MGST2: variants seen among roughly 807,000 people sequenced by gnomAD.
MGST2 encodes the protein glutathione peroxidase MGST2.
A neutral mutation model predicts 16.6 loss-of-function variants in MGST2; 9 were observed. The observed-to-expected ratio is 0.54, with a 90% CI of 0.33 to 0.95. The LOEUF is 0.95. Among genes scored for constraint, MGST2 ranks in the 40% least tolerant of loss-of-function variants. The pLI, the probability that MGST2 is intolerant of heterozygous loss-of-function variation, is 0.03. For synonymous variants in MGST2, 79 were observed against 68.0 expected, an observed-to-expected ratio of 1.16 and a Z score of -0.79; for missense variants, 159 against 175.1, an observed-to-expected ratio of 0.91 and a Z score of 0.52.
Position 139,704,175 on chromosome 4 carries a change from A to G in MGST2, c.*27A>G, listed in dbSNP as rs756784578. On this transcript the variant is annotated 3_prime_UTR_variant, in exon 5 of 5. Coordinates refer to ENST00000265498, the MANE Select transcript of MGST2 (RefSeq NM_002413.5). The stretch of plus-strand genomic sequence containing the variant: ...TTTTTCTCTTCCCTTTAATACTTGC[A>G]GAAGCTGTTCCCACCATGAAGGTAA... 1.2e-6 allele frequency: 2 copies of G among 1,612,966 alleles called. No homozygotes were observed. The highest frequency in any genetic ancestry group is 3.3e-5 in the Admixed American group (2 of 60,034).
intron 5 of MGST2, among the ~76,000 whole-genome samples, chr4:139,723,836 A>G (rs1163507484): frequency 6.6e-6 from 1 of 152,214 alleles, no homozygotes; most frequent in African/African-American, 2.4e-5. Flanking sequence ...TTCCCTAGCT[A>G]GCAAAATCAG....
intron 2 of MGST2, among the ~76,000 whole-genome samples, chr4:139,689,740 G>A (rs1195709073): frequency 6.6e-6 from 1 of 152,166 alleles, no homozygotes; most frequent in Non-Finnish European, 1.5e-5. Flanking sequence ...TGTGAACCTG[G>A]CATTAGAAAT....
At chr4:139,673,337 G>A (rs1730801808) in intron 1 of MGST2, among the ~76,000 whole-genome samples, 1 of 152,220 alleles carries the variant, frequency 6.6e-6, no homozygotes, top group African/African-American at 2.4e-5. Context: ...AGGGTGCCAA[G>A]CAAGGAGAAC....
intron 3 of MGST2, among the ~76,000 whole-genome samples, chr4:139,700,540 T>C (rs1282420928): frequency 6.6e-6 from 1 of 152,198 alleles, no homozygotes; most frequent in Non-Finnish European, 1.5e-5. Flanking sequence ...ACTTTACAGA[T>C]GAGGAAGCTG....
chr4:139,737,054 T>C (rs981163139), intron 5 of MGST2, among the ~76,000 whole-genome samples: 6 of 152,058 alleles, frequency 3.9e-5, no homozygotes. Flanking sequence ...GTTGCAACTG[T>C]GCTGTGGAGG....
chr4:139,683,290 T>G (rs185612459), intron 2 of MGST2, among the ~76,000 whole-genome samples: 3 of 152,310 alleles, frequency 2.0e-5, no homozygotes. Flanking sequence ...TCATAGAATT[T>G]TCTGACATAA....
exon 6 of MGST2, chr4:139,740,636 A>G (rs1371610057): frequency 1.3e-5 from 2 of 152,120 alleles, no homozygotes; most frequent in African/African-American, 4.8e-5. Flanking sequence ...AGATTGCATA[A>G]CTGATGCATA....
chr4:139,754,540 G>A, the MGST2 span, among the ~76,000 whole-genome samples: 1 of 152,138 alleles, frequency 6.6e-6, no homozygotes, highest in Non-Finnish European at 1.5e-5. Context: ...ACTACTTTAT[G>A]CTGAAATGAA....
chr4:139,732,698 AG>A lies in MGST2; in HGVS notation c.*49-7513del, dbSNP rs199776280. Among the ~76,000 whole-genome samples the A allele has an allele frequency of 7.3e-3, 1,111 of 152,196 alleles. 10 individuals carry two copies. The highest frequency in any genetic ancestry group is 0.024 in the African/African-American group (1,004 of 41,538). ...GTGGTATTTGGTTACATGAGTAAGC[AG>A]AACGCTGATTTTGATTCTCAATTCA... On this transcript the variant is annotated intron_variant, in intron 5 of 5. Coordinates refer to the MGST2 transcript ENST00000616265.
At position 139,704,162 on chromosome 4, in the gene MGST2, C is replaced by T. The variant is rs767302388; in HGVS notation, c.*14C>T. 1 of 1,613,766 alleles carries T rather than the reference C, an allele frequency of 6.2e-7. No individual in the cohort carries two copies. The highest frequency in any genetic ancestry group is 8.5e-7 in the Non-Finnish European group (1 of 1,179,774). ...CGGCAATTCTAACTTTTTCTCTTCC[C>T]TTTAATACTTGCAGAAGCTGTTCCC... On this transcript the variant is annotated 3_prime_UTR_variant, in exon 5 of 5. Coordinates refer to ENST00000265498, the MANE Select transcript of MGST2 (RefSeq NM_002413.5).
chr4:139,725,901 C>A, intron 5 of MGST2: 1 of 1,329,864 alleles, frequency 7.5e-7, no homozygotes, highest in South Asian at 1.2e-5. Flanking sequence ...ATTCAATATC[C>A]CAGCAGTTCC....
intron 2 of MGST2, 160 bp downstream of exon 2, chr4:139,678,802 A>G (rs886209826): frequency 2.9e-6 from 2 of 690,682 alleles, no homozygotes; most frequent in African/African-American, 3.6e-5. Flanking sequence ...GAATCCAGAA[A>G]GTTTGAAGGG....
At chr4:139,698,156 T>A in intron 3 of MGST2, 1 of 1,549,072 alleles carries the variant, frequency 6.5e-7, no homozygotes, top group East Asian at 2.2e-5. Flanking sequence ...AAGCACGTTC[T>A]CCACGTATGC....
intron 5 of MGST2, among the ~76,000 whole-genome samples, chr4:139,737,579 G>C (rs1202201007): frequency 6.6e-6 from 1 of 152,020 alleles, no homozygotes; most frequent in African/African-American, 2.4e-5. Flanking sequence ...ATGTTGTCTG[G>C]TACCCAAAAT....
chr4:139,720,179 G>A (rs771214491), intron 5 of MGST2: 9 of 1,614,022 alleles, frequency 5.6e-6, no homozygotes, highest in African/African-American at 2.7e-5. Flanking sequence ...TCCCATCTCC[G>A]ACTGCGCAGC....
rs188008102 is a variant in MGST2, at chr4:139,710,690, G to T, written c.*48+6494G>T. ...TGTCTGGAACCATAGCCCACTAAGG[G>T]TAGCGATGGCCTCTTCTTCATAATT... On this transcript the variant is annotated intron_variant, in intron 5 of 5. Coordinates refer to the MGST2 transcript ENST00000616265. Among the ~76,000 whole-genome samples the T allele has an allele frequency of 7.2e-5, 11 of 152,260 alleles. No individual in the cohort carries two copies. In the East Asian group the frequency reaches 2.1e-3, roughly 29 times the overall value.
chr4:139,722,735 T>C (rs1013184858), intron 5 of MGST2, among the ~76,000 whole-genome samples: 1 of 152,192 alleles, frequency 6.6e-6, no homozygotes. Flanking sequence ...ACCTTTGAAA[T>C]GTATAATGGT....
At chr4:139,695,335 T>C (rs1044729182) in intron 3 of MGST2, 68 bp downstream of exon 3, 65 of 1,342,204 alleles carry the variant, frequency 4.8e-5, no homozygotes, top group African/African-American at 5.8e-5. Flanking sequence ...AAGGAGTAGA[T>C]ATATGGCCAG....
chr4:139,703,582 A>G, intron 4 of MGST2, 46 bp downstream of exon 4: 1 of 1,562,690 alleles, frequency 6.4e-7, no homozygotes, highest in Non-Finnish European at 8.8e-7. Flanking sequence ...AAGTAGCAGG[A>G]TAAGGTCTGG....
Sources: allele counts gnomAD v4.1 joint callset (sites outside exome capture counted in the v4.1 genomes callset), GRCh38; gene constraint gnomAD v4.1.1; transcripts MANE v1.5; gene names NCBI Gene and HGNC (gene_info 2026-07-23, HGNC 2026-07-21).